GRAMD1C: variants seen among roughly 807,000 people sequenced by gnomAD.
GRAMD1C encodes the protein protein Aster-C.
A neutral mutation model predicts 97.8 loss-of-function variants in GRAMD1C; 89 were observed. That is an observed-to-expected ratio of 0.91 (90% CI 0.77 to 1.09). The LOEUF (loss-of-function observed/expected upper bound fraction) is 1.09, where lower values mean the gene tolerates loss of function less well. Among genes scored for constraint, GRAMD1C ranks in the 50% least tolerant of loss-of-function variants. The pLI is 0.00. For synonymous variants in GRAMD1C, 256 were observed against 267.0 expected, an observed-to-expected ratio of 0.96 and a Z score of 0.40; for missense variants, 740 against 766.4, an observed-to-expected ratio of 0.97 and a Z score of 0.41.
At chr3:113,875,844 T>G (rs1935008756) in intron 4 of GRAMD1C, 1 of 399,880 alleles carries the variant, frequency 2.5e-6, no homozygotes, top group African/African-American at 2.0e-5. Flanking sequence ...TCTTAATGGC[T>G]GCCAAAACCA....
chr3:113,863,971 G>A (rs1394385579), intron 2 of GRAMD1C, among the ~76,000 whole-genome samples: 1 of 152,114 alleles, frequency 6.6e-6, no homozygotes, highest in African/African-American at 2.4e-5. Flanking sequence ...CTACCACATG[G>A]TCAGGCTGTG....
chr3:113,914,845 C>G (rs1018440494), intron 9 of GRAMD1C, among the ~76,000 whole-genome samples: 1 of 152,060 alleles, frequency 6.6e-6, no homozygotes, highest in African/African-American at 2.4e-5. Flanking sequence ...TTCTGTTTCC[C>G]CATCTGGAAA....
chr3:113,849,881 G>A (rs1194804539), intron 2 of GRAMD1C, among the ~76,000 whole-genome samples: 8 of 151,738 alleles, frequency 5.3e-5, no homozygotes, highest in South Asian at 2.1e-4. Context: ...GGGCAGAGGC[G>A]CCCCTCACCT....
intron 2 of GRAMD1C, among the ~76,000 whole-genome samples, chr3:113,859,635 G>A (rs1198092815): frequency 1.3e-5 from 2 of 152,116 alleles, no homozygotes; most frequent in East Asian, 3.8e-4. Flanking sequence ...TACTGAAACA[G>A]ACTCAAGAAG....
Position 113,936,374 on chromosome 3 carries a change from C to T in GRAMD1C, c.1565C>T (p.Thr522Ile). The change falls in exon 14 of 18, where the codon ACA (threonine) becomes ATA (isoleucine). Residue 522 changes from threonine to isoleucine, a missense_variant. Thr to Ile is a moderately conservative substitution (Grantham distance 89). Transcript: ENST00000358160. ...RRRTFNRTAE[T>I]VPKLSSQHSS... ...CGAACCTTCAACCGAACAGCAGAAA[C>T]AGTTCCTAAACTTTCCTCTCAGCAT... 4.3e-6 allele frequency: 7 copies of T among 1,613,512 alleles called. No homozygotes were observed. The highest frequency in any genetic ancestry group is 5.9e-6 in the Non-Finnish European group (7 of 1,179,520).
At chr3:113,849,739 A>G (rs1577122441) in intron 2 of GRAMD1C, among the ~76,000 whole-genome samples, 1 of 151,952 alleles carries the variant, frequency 6.6e-6, no homozygotes, top group South Asian at 2.1e-4. Context: ...TCTTTTCCCC[A>G]CCTTTCCCCC....
At chr3:113,938,845 A>C (rs1334073556) in intron 15 of GRAMD1C, 1 of 152,160 alleles carries the variant, frequency 6.6e-6, no homozygotes, top group South Asian at 2.1e-4. Flanking sequence ...GATATATTGA[A>C]GGTGATAATT....
chr3:113,854,052 C>T (rs904677169), intron 2 of GRAMD1C, among the ~76,000 whole-genome samples: 2 of 151,914 alleles, frequency 1.3e-5, no homozygotes, highest in Non-Finnish European at 2.9e-5. Flanking sequence ...TCCTAGGTTT[C>T]TGGTCAGTGC....
intron 6 of GRAMD1C, chr3:113,885,952 C>T (rs1327659358): frequency 6.2e-7 from 1 of 1,610,458 alleles, no homozygotes; most frequent in African/African-American, 1.3e-5. Context: ...AACCTGCTCC[C>T]GATGCTGGAT....
intron 13 of GRAMD1C, among the ~76,000 whole-genome samples, chr3:113,935,501 TACAC>T (rs918077510): frequency 5.2e-4 from 55 of 105,686 alleles, no homozygotes; most frequent in Non-Finnish European, 9.7e-4. Context: ...TATATATATA[TACAC>T]ACACACACAC....
chr3:113,844,744 A>G (rs1933536707), intron 2 of GRAMD1C, 95 bp downstream of exon 2: 1 of 848,608 alleles, frequency 1.2e-6, no homozygotes, highest in Non-Finnish European at 1.8e-6. Context: ...TTTCCTTCTT[A>G]GCTTCTAGAT....
exon 1 of GRAMD1C, chr3:113,828,241 A>T (rs1709512124): frequency 2.0e-5 from 3 of 152,306 alleles, no homozygotes. Context: ...AGAGGAATTG[A>T]GGTCCCAAAC....
At chr3:113,888,575 G>A (rs558561229) in intron 6 of GRAMD1C, among the ~76,000 whole-genome samples, 28 of 152,162 alleles carry the variant, frequency 1.8e-4, no homozygotes, top group African/African-American at 5.3e-4. Context: ...TGATTGTGGC[G>A]ACCACAATGT....
intron 6 of GRAMD1C, 60 bp from the exon 7 acceptor site, chr3:113,900,971 T>TC: frequency 1.2e-6 from 1 of 865,380 alleles, no homozygotes. Context: ...ATGTTTTGAA[T>TC]CACTGTGATA....
intron 6 of GRAMD1C, chr3:113,885,542 G>A (rs1162732130): frequency 6.2e-6 from 10 of 1,602,290 alleles, no homozygotes; most frequent in African/African-American, 1.3e-5. Context: ...GGGGTCCTGA[G>A]GCCGCAGTCC....
intron 2 of GRAMD1C, among the ~76,000 whole-genome samples, chr3:113,868,700 CTGGCCATTTAAAAAAATG>C (rs1312782975): frequency 2.1e-4 from 31 of 150,714 alleles, no homozygotes; most frequent in South Asian, 8.4e-4. Context: ...ATTCAAAGCT[CTGGCCATTTAAAAAAATG>C]TGGCCATTTT....
At chr3:113,880,242 C>G (rs1172197635) in intron 5 of GRAMD1C, among the ~76,000 whole-genome samples, 2 of 152,034 alleles carry the variant, frequency 1.3e-5, no homozygotes, top group Non-Finnish European at 2.9e-5. Flanking sequence ...CATTCCATAC[C>G]CATAATCCCC....
intron 2 of GRAMD1C, chr3:113,850,474 G>A (rs1232708448): frequency 1.7e-5 from 25 of 1,484,790 alleles, no homozygotes; most frequent in Non-Finnish European, 3.7e-6. Context: ...CACAGTCTCC[G>A]GGGCAGATGA....
chr3:113,900,409 AATTATT>A (rs146979804), intron 6 of GRAMD1C, among the ~76,000 whole-genome samples: 4 of 137,498 alleles, frequency 2.9e-5, no homozygotes, highest in Middle Eastern at 3.6e-3. Context: ...AGTATGAACA[AATTATT>A]ATTATTATTA....
Sources: gnomAD v4.1 joint callset for allele counts (sites outside exome capture counted in the v4.1 genomes callset) on GRCh38, gnomAD v4.1.1 for gene constraint, MANE v1.5 for transcripts, NCBI Gene and HGNC (gene_info 2026-07-23, HGNC 2026-07-21) for gene names.